The following ACO2 variants were observed in gnomAD, a reference collection of about 807,000 sequenced individuals.
ACO2 encodes aconitase 2.
In ACO2, 31 loss-of-function variants were observed where a neutral mutation model predicts 84.5. The observed-to-expected ratio is 0.37, with a 90% confidence interval of 0.28 to 0.50. ACO2 has a LOEUF of 0.50. Ranked by LOEUF, ACO2 falls within the 20% of genes least tolerant of loss-of-function variation. The pLI is 0.97. For synonymous variants in ACO2, 414 were observed against 412.7 expected (o/e 1.00, Z -0.04); for missense variants, 685 against 1,029.3 (o/e 0.67, Z 4.58).
intron 3 of ACO2, among the ~76,000 whole-genome samples, chr22:41,509,607 A>G (rs2066419241): frequency 6.6e-6 from 1 of 152,164 alleles, no homozygotes; most frequent in African/African-American, 2.4e-5. Flanking sequence ...CATGCTAGAA[A>G]GAACAGCATT....
rs1346129307 is a variant in ACO2, at chr22:41,515,721, C to T, written c.685-46C>T. 7 of 1,611,402 alleles carry T rather than the reference C, an allele frequency of 4.3e-6. No homozygotes were observed. In the East Asian group the frequency reaches 1.3e-4, roughly 31 times the overall value. ...GGCCATCCTGACTTCGTGGCTGGCA[C>T]AGGCACACACGGCCTCTCACAGCCG... On this transcript the variant is annotated intron_variant, in intron 5 of 17. Transcript: ENST00000216254. The surrounding 1 kb of genome is among the most constrained non-coding windows in gnomAD (Gnocchi z 5.8).
intron 2 of ACO2, among the ~76,000 whole-genome samples, chr22:41,507,391 GTTTCTTGGTTGTTGTTAAATGGC>G (rs2066401551): frequency 6.6e-6 from 1 of 152,136 alleles, no homozygotes; most frequent in Non-Finnish European, 1.5e-5. Flanking sequence ...TCCTGAGCCT[GTTTCTTGGTTGTTGTTAAATGGC>G]TTTCTTGGTT....
At chr22:41,527,181 C>A in intron 15 of ACO2, 107 bp from the exon 16 acceptor site, 2 of 1,553,882 alleles carry the variant, frequency 1.3e-6, no homozygotes, top group Non-Finnish European at 1.8e-6. Flanking sequence ...TTACCGGGAG[C>A]CTCAGGATGC....
chr22:41,496,799 G>GC (rs1296239057), intron 1 of ACO2, among the ~76,000 whole-genome samples: 1 of 152,186 alleles, frequency 6.6e-6, no homozygotes, highest in Non-Finnish European at 1.5e-5. Context: ...TGTTGCCCCT[G>GC]CCATAGGTTA....
intron 1 of ACO2, among the ~76,000 whole-genome samples, chr22:41,493,999 CA>C (rs2066293403): frequency 6.6e-6 from 1 of 152,190 alleles, no homozygotes; most frequent in African/African-American, 2.4e-5. Context: ...ACAGAGGTTG[CA>C]GTGAGCTGAG....
chr22:41,474,347 G>A (rs1261153413), intron 1 of ACO2, among the ~76,000 whole-genome samples: 2 of 146,694 alleles, frequency 1.4e-5, no homozygotes, highest in South Asian at 2.2e-4. Context: ...AGGCTGGGGT[G>A]CAGTGGCGCG....
chr22:41,522,908 A>G lies in ACO2; in HGVS notation c.1217A>G (p.His406Arg). ...SAAVAKQALA[H>R]GLKCKSQFTI... ...GCTGTGGCCAAGCAGGCACTGGCCC[A>G]TGGCCTCAAGTGCAAGTCCCAGTTC... The change falls in exon 10 of 18, where the codon CAT (histidine) becomes CGT (arginine). Residue 406 changes from histidine (H) to arginine (R), a missense_variant. Transcript: ENST00000216254. The G allele has an allele frequency of 6.2e-7, 1 of 1,614,226 alleles. No homozygotes were observed. The highest frequency in any genetic ancestry group is 8.5e-7 in the Non-Finnish European group (1 of 1,180,058).
At chr22:41,470,107 T>C (rs2037925918) in intron 1 of ACO2, among the ~76,000 whole-genome samples, 1 of 152,248 alleles carries the variant, frequency 6.6e-6, no homozygotes, top group Non-Finnish European at 1.5e-5. Context: ...AGGAGCTATC[T>C]AGAAAGCTGA....
At chr22:41,506,129 T>C (rs2066391396) in intron 2 of ACO2, among the ~76,000 whole-genome samples, 1 of 151,968 alleles carries the variant, frequency 6.6e-6, no homozygotes, top group Non-Finnish European at 1.5e-5. Context: ...ACTCTGTTGC[T>C]CAAGCTGGAG....
chr22:41,474,457 C>A (rs1489324368), intron 1 of ACO2, among the ~76,000 whole-genome samples: 1 of 149,892 alleles, frequency 6.7e-6, no homozygotes, highest in Non-Finnish European at 1.5e-5. Context: ...CCACGTCTGG[C>A]TAATTTTTTG....
intron 14 of ACO2, 66 bp from the exon 15 acceptor site, chr22:41,526,196 G>C (rs866372273): frequency 6.7e-7 from 1 of 1,488,710 alleles, no homozygotes. Flanking sequence ...CCTGCCTCTG[G>C]AGGGCTTGTC....
At chr22:41,521,778 CTTTT>C (rs1041027606) in intron 9 of ACO2, among the ~76,000 whole-genome samples, 23 of 143,234 alleles carry the variant, frequency 1.6e-4, no homozygotes, top group Non-Finnish European at 2.9e-4. Flanking sequence ...AATCCCAACC[CTTTT>C]TTTTTTTTTT....
At chr22:41,513,756 A>G (rs2066454847) in intron 4 of ACO2, among the ~76,000 whole-genome samples, 1 of 152,164 alleles carries the variant, frequency 6.6e-6, no homozygotes, top group African/African-American at 2.4e-5. Context: ...TGTTGTGTGG[A>G]TGGATGGCTG....
At chr22:41,517,936 C>G (rs1418015383) in intron 7 of ACO2, among the ~76,000 whole-genome samples, 3 of 152,364 alleles carry the variant, frequency 2.0e-5, no homozygotes, top group South Asian at 2.1e-4. Context: ...CCTGCTGCCC[C>G]CTACAGGAAA....
intron 1 of ACO2, among the ~76,000 whole-genome samples, chr22:41,482,031 G>A (rs2038094022): frequency 6.6e-6 from 1 of 152,136 alleles, no homozygotes. Flanking sequence ...TTGTCATCTC[G>A]CCAGCAGCAT....
At chr22:41,516,487 G>T (rs919153705) in intron 6 of ACO2, among the ~76,000 whole-genome samples, 1 of 152,190 alleles carries the variant, frequency 6.6e-6, no homozygotes, top group South Asian at 2.1e-4. Context: ...TAACAGTCTA[G>T]ACTTCCCAGG....
chr22:41,528,391 A>G (rs2066648420), intron 17 of ACO2, 88 bp from the exon 18 acceptor site: 1 of 1,545,482 alleles, frequency 6.5e-7, no homozygotes, highest in African/African-American at 1.4e-5. Context: ...TTAGGTCCCC[A>G]GGCAGTGCCC....
chr22:41,526,685 ATATCT>A, intron 15 of ACO2: 1 of 483,452 alleles, frequency 2.1e-6, no homozygotes. Context: ...TTAGTGAGAG[ATATCT>A]TAGGATATCT....
chr22:41,528,686 C>T lies in ACO2; in HGVS notation c.*73C>T. ...TGTGCCATCAGTGGATCCGATCCGT[C>T]CAGCCATGGCTTCCTATTCCAAGAT... On this transcript the variant is annotated 3_prime_UTR_variant, in exon 18 of 18. Coordinates refer to ENST00000216254, the MANE Select transcript of ACO2 (RefSeq NM_001098.3). 1.3e-6 allele frequency: 2 copies of T among 1,557,588 alleles called. No individual in the cohort carries two copies. The highest frequency in any genetic ancestry group is 1.7e-6 in the Non-Finnish European group (2 of 1,153,954).
Sources: allele counts gnomAD v4.1 joint callset (sites outside exome capture counted in the v4.1 genomes callset), GRCh38; gene constraint gnomAD v4.1.1; non-coding constraint Gnocchi (gnomAD v3.1); transcripts MANE v1.5; gene names NCBI Gene and HGNC (gene_info 2026-07-23, HGNC 2026-07-21).